Variants in RYR3 observed in about 807,000 individuals in gnomAD.
RYR3 encodes the protein ryanodine receptor 3.
In RYR3, 207 loss-of-function variants were observed where a neutral mutation model predicts 584.3. That is an observed-to-expected ratio of 0.35 (90% CI 0.32 to 0.40). The LOEUF (loss-of-function observed/expected upper bound fraction) is 0.40. RYR3 is among the 10% of genes least tolerant of loss of function. The pLI is 1.00. For missense variants in RYR3, 5,616 were observed against 6,089.2 expected (o/e 0.92, Z 2.59); for synonymous variants, 2,416 against 2,248.5 (o/e 1.07, Z -2.11).
intron 8 of RYR3, among the ~76,000 whole-genome samples, chr15:33,546,927 G>A (rs771363749): frequency 9.2e-5 from 14 of 152,074 alleles, no homozygotes; most frequent in Non-Finnish European, 1.8e-4. Context: ...AATTCTCTAC[G>A]GTGGAGGTAG....
Position 33,455,769 on chromosome 15 carries a change from A to G in RYR3, c.52-17650A>G, listed in dbSNP as rs530130809. Among the ~76,000 whole-genome samples the G allele has an allele frequency of 9.8e-5, 15 of 152,312 alleles. No homozygotes were observed. The South Asian group carries it at 1.7e-3, about 17-fold the overall frequency. Reference sequence around the variant, plus strand: ...TGGTCCTGGAAGAAAAAAGTATTAGATACAAATGTCTACCTTGTTAAAGAA... The same window carrying G: ...TGGTCCTGGAAGAAAAAAGTATTAGGTACAAATGTCTACCTTGTTAAAGAA... On this transcript the variant is annotated intron_variant, in intron 1 of 103. Coordinates refer to ENST00000634891, the MANE Select transcript of RYR3 (RefSeq NM_001036.6).
chr15:33,676,162 T>C (rs1334359829), intron 38 of RYR3, among the ~76,000 whole-genome samples: 4 of 150,654 alleles, frequency 2.7e-5, no homozygotes, highest in Non-Finnish European at 5.9e-5. Flanking sequence ...GCCAGAGATA[T>C]GCAACATGAA....
chr15:33,463,858 G>A (rs925626431), intron 1 of RYR3, among the ~76,000 whole-genome samples: 6 of 152,188 alleles, frequency 3.9e-5, no homozygotes, highest in Admixed American at 2.0e-4. Context: ...AAAGGGTCCT[G>A]TAAGCTGTGG....
chr15:33,636,261 C>T (rs559736723), intron 26 of RYR3, 115 bp from the exon 27 acceptor site: 1 of 904,368 alleles, frequency 1.1e-6, no homozygotes, highest in Non-Finnish European at 1.8e-6. Flanking sequence ...TTGAGTGTCC[C>T]CTAGAAATCA....
chr15:33,686,145 T>C (rs1397587291), intron 38 of RYR3, among the ~76,000 whole-genome samples: 1 of 151,936 alleles, frequency 6.6e-6, no homozygotes, highest in Non-Finnish European at 1.5e-5. Flanking sequence ...AAAAAATCAA[T>C]CCAGGAGCTG....
intron 2 of RYR3, among the ~76,000 whole-genome samples, chr15:33,494,701 C>T (rs928811083): frequency 1.3e-5 from 2 of 152,178 alleles, no homozygotes; most frequent in African/African-American, 2.4e-5. Flanking sequence ...AAATTTTCTG[C>T]ATCTTACTGT....
intron 10 of RYR3, among the ~76,000 whole-genome samples, chr15:33,557,572 A>G (rs898133783): frequency 5.3e-5 from 8 of 152,116 alleles, no homozygotes; most frequent in African/African-American, 1.9e-4. Context: ...TTTAGTAGAG[A>G]TGGGGTTTCA....
chr15:33,516,405 G>A (rs1402175747), intron 3 of RYR3, among the ~76,000 whole-genome samples: 1 of 151,284 alleles, frequency 6.6e-6, no homozygotes, highest in South Asian at 2.1e-4. Context: ...GTGCAGTGGT[G>A]CAGTCTCTGC....
intron 3 of RYR3, among the ~76,000 whole-genome samples, chr15:33,504,694 T>C (rs921566857): frequency 2.0e-5 from 3 of 152,228 alleles, no homozygotes; most frequent in African/African-American, 7.2e-5. Flanking sequence ...CTTTAGGAGT[T>C]GGTGAGCCCT....
At chr15:33,578,839 C>T (rs1310419829) in intron 12 of RYR3, among the ~76,000 whole-genome samples, 1 of 151,988 alleles carries the variant, frequency 6.6e-6, no homozygotes, top group East Asian at 1.9e-4. Flanking sequence ...CTCAATCACT[C>T]AGGGCCTTAT....
chr15:33,734,849 C>T (rs1402227127), intron 48 of RYR3, among the ~76,000 whole-genome samples: 1 of 152,032 alleles, frequency 6.6e-6, no homozygotes. Flanking sequence ...GCCACCACGC[C>T]TGGCTAATTT....
chr15:33,702,903 A>AT (rs2066410247), intron 42 of RYR3, among the ~76,000 whole-genome samples: 3 of 152,102 alleles, frequency 2.0e-5, no homozygotes, highest in African/African-American at 4.8e-5. Context: ...ATAAATACAC[A>AT]TTTTTTTCTT....
chr15:33,686,672 C>T (rs761771749), intron 38 of RYR3, among the ~76,000 whole-genome samples: 42 of 152,204 alleles, frequency 2.8e-4, no homozygotes, highest in Non-Finnish European at 4.1e-4. Flanking sequence ...ATGCCAACAT[C>T]CTCAATAAAA....
chr15:33,776,184 C>G (rs920138485), intron 64 of RYR3, among the ~76,000 whole-genome samples: 5 of 152,146 alleles, frequency 3.3e-5, no homozygotes, highest in Non-Finnish European at 5.9e-5. Context: ...AGAAATGATT[C>G]AAGACACCTT....
At chr15:33,345,421 C>T (rs1595791876) in intron 1 of RYR3, among the ~76,000 whole-genome samples, 1 of 152,292 alleles carries the variant, frequency 6.6e-6, no homozygotes, top group East Asian at 1.9e-4. Context: ...AATCACAGCT[C>T]ACTGCAGCCT....
intron 64 of RYR3, among the ~76,000 whole-genome samples, chr15:33,776,869 C>T (rs1247632602): frequency 6.6e-6 from 1 of 152,238 alleles, no homozygotes; most frequent in African/African-American, 2.4e-5. Context: ...GAAAGTGCTA[C>T]TTGTCAAATT....
In RYR3 at chr15:33,728,844, A is replaced by G. The variant is rs779900571; in HGVS notation, c.7034-13A>G. On this transcript the variant is annotated splice_polypyrimidine_tract_variant and intron_variant, in intron 46 of 103. Transcript: ENST00000634891. Reference sequence around the variant, plus strand: ...CAGGAAAAGGGAAATTACATTTTCTATGTGTCTTTCAGATGGGTCGGTCAG... The same window carrying G: ...CAGGAAAAGGGAAATTACATTTTCTGTGTGTCTTTCAGATGGGTCGGTCAG... 16 of 1,605,990 alleles carry G rather than the reference A, an allele frequency of 1.0e-5. No homozygotes were observed. The highest frequency in any genetic ancestry group is 1.7e-4 in the Middle Eastern group (1 of 6,014).
intron 102 of RYR3, among the ~76,000 whole-genome samples, chr15:33,862,155 G>A (rs1888486052): frequency 6.6e-6 from 1 of 151,962 alleles, no homozygotes; most frequent in Non-Finnish European, 1.5e-5. Flanking sequence ...ATAAAATGCT[G>A]GGCTCTGCTC....
chr15:33,601,275 C>T (rs761215931), intron 16 of RYR3, 144 bp from the exon 17 acceptor site: 41 of 758,620 alleles, frequency 5.4e-5, no homozygotes, highest in Non-Finnish European at 1.7e-5. Context: ...GGGTAAGAGG[C>T]AAAGCTTCCT....
Sources: allele counts gnomAD v4.1 joint callset (sites outside exome capture counted in the v4.1 genomes callset), GRCh38; gene constraint gnomAD v4.1.1; transcripts MANE v1.5; gene names NCBI Gene and HGNC (gene_info 2026-07-23, HGNC 2026-07-21).